Variants in TRIM2 observed in about 807,000 individuals in gnomAD.
The protein encoded by TRIM2 is tripartite motif containing 2.
TRIM2 carries 20 observed loss-of-function variants against 75.2 expected under a neutral mutation model. The ratio of observed to expected loss-of-function variants is 0.27; its 90% CI spans 0.19 to 0.39. The LOEUF is 0.39. Among genes scored for constraint, TRIM2 ranks in the 10% least tolerant of loss-of-function variants. The pLI, the probability that TRIM2 is intolerant of heterozygous loss-of-function variation, is 1.00. For synonymous variants in TRIM2, 373 were observed against 388.3 expected, an observed-to-expected ratio of 0.96 and a Z score of 0.46; for missense variants, 660 against 990.8, an observed-to-expected ratio of 0.67 and a Z score of 4.48.
At chr4:153,213,850 C>T (rs1034553258) in intron 1 of TRIM2, among the ~76,000 whole-genome samples, 5 of 152,236 alleles carry the variant, frequency 3.3e-5, no homozygotes, top group South Asian at 2.1e-4. Context: ...TACTATTTAA[C>T]GAATTTAATC....
chr4:153,336,807 AG>A lies in TRIM2; in HGVS notation c.*1843del, dbSNP rs1772504632. The A allele has an allele frequency of 2.0e-6, 2 of 985,642 alleles. No individual in the cohort carries two copies. The highest frequency in any genetic ancestry group is 1.2e-4 in the Admixed American group (2 of 16,288). The allele number at this position is 985,642 out of a possible 1,614,324, so 61.1% of individuals were successfully genotyped here. Reference sequence around the variant, plus strand: ...TCAACCTCTGAAAAAAGGTTTTTCCAGGAAGATTTACATTTAGGTTTAATAT... The same window carrying A: ...TCAACCTCTGAAAAAAGGTTTTTCCAGAAGATTTACATTTAGGTTTAATAT... On this transcript the variant is annotated 3_prime_UTR_variant, in exon 12 of 12. Transcript: ENST00000338700.
At chr4:153,323,013 G>A (rs541174399) in intron 9 of TRIM2, among the ~76,000 whole-genome samples, 197 bp downstream of exon 9, 1 of 152,272 alleles carries the variant, frequency 6.6e-6, no homozygotes, top group East Asian at 1.9e-4. Flanking sequence ...GCAGTAAGTT[G>A]AGCTGCAGTC....
At chr4:153,257,310 A>T (rs1752306371) in intron 1 of TRIM2, 2 of 706,240 alleles carry the variant, frequency 2.8e-6, no homozygotes, top group East Asian at 9.9e-5. Flanking sequence ...AAAGCAAGCC[A>T]CCCACGAATC....
chr4:153,281,196 A>G (rs565306766), intron 3 of TRIM2, among the ~76,000 whole-genome samples: 2 of 152,362 alleles, frequency 1.3e-5, no homozygotes, highest in South Asian at 4.1e-4. Flanking sequence ...GAGAGTATGT[A>G]TGGTGAGACA....
intron 8 of TRIM2, among the ~76,000 whole-genome samples, chr4:153,316,672 G>A (rs1263486985): frequency 6.6e-6 from 1 of 152,014 alleles, no homozygotes; most frequent in African/African-American, 2.4e-5. Context: ...CATTCCCAGC[G>A]TCAGCTTTTT....
chr4:153,264,847 C>G (rs544150904), intron 1 of TRIM2, among the ~76,000 whole-genome samples: 1 of 152,236 alleles, frequency 6.6e-6, no homozygotes, highest in Non-Finnish European at 1.5e-5. Flanking sequence ...GGATTGGAAA[C>G]CTTTTGTGTC....
intron 1 of TRIM2, among the ~76,000 whole-genome samples, chr4:153,256,426 CATT>C (rs890327033): frequency 6.6e-6 from 1 of 152,144 alleles, no homozygotes; most frequent in Non-Finnish European, 1.5e-5. Flanking sequence ...TTAAAATAAA[CATT>C]ATTAGCAATC....
At chr4:153,213,493 T>C (rs971986570) in intron 1 of TRIM2, among the ~76,000 whole-genome samples, 4 of 152,208 alleles carry the variant, frequency 2.6e-5, no homozygotes, top group African/African-American at 9.6e-5. Context: ...TCTTAATTAA[T>C]TTAATCTTTG....
At chr4:153,280,165 GA>G (rs1397778415) in intron 3 of TRIM2, among the ~76,000 whole-genome samples, 1 of 118,962 alleles carries the variant, frequency 8.4e-6, no homozygotes, top group African/African-American at 3.2e-5. Flanking sequence ...AGAAAGAAAA[GA>G]ACAGAAATAT....
chr4:153,204,634 T>C (rs774510873), intron 1 of TRIM2, 74 bp downstream of exon 1: 115 of 1,532,950 alleles, frequency 7.5e-5, no homozygotes, highest in Non-Finnish European at 9.4e-5. Flanking sequence ...GAGAAACAAG[T>C]TGTGATTGGG....
chr4:153,209,343 A>G (rs1041103060), intron 1 of TRIM2, among the ~76,000 whole-genome samples: 4 of 152,174 alleles, frequency 2.6e-5, no homozygotes, highest in African/African-American at 4.8e-5. Context: ...CCACCCCCAT[A>G]AAAGATGGAA....
intron 1 of TRIM2, among the ~76,000 whole-genome samples, chr4:153,267,234 C>T (rs1019540445): frequency 2.0e-5 from 3 of 152,084 alleles, no homozygotes; most frequent in African/African-American, 7.2e-5. Context: ...CTTTTTAAAA[C>T]ACAAGGTCAA....
In TRIM2 at chr4:153,327,601, C is replaced by T. The variant is rs573963756; in HGVS notation, c.2023-929C>T. 7.9e-5 allele frequency among the ~76,000 whole-genome samples: 12 copies of T among 152,294 alleles called. No homozygotes were observed. The South Asian group carries it at 2.3e-3, about 29-fold the overall frequency. On this transcript the variant is annotated intron_variant, in intron 10 of 11. Transcript: ENST00000338700. ...GAGACATTTCAAAACCATTAGGTAT[C>T]ATCTGAATCATCAAGATACAATTAT... is the stretch of plus-strand genomic sequence containing the variant.
chr4:153,168,249 A>G (rs1730507998), intron 1 of TRIM2, among the ~76,000 whole-genome samples: 1 of 152,240 alleles, frequency 6.6e-6, no homozygotes. Context: ...ATAGAACTAA[A>G]TATTTCTATA....
rs1757939350 is a variant in TRIM2, at chr4:153,275,994, A to T, written c.317A>T (p.Asn106Ile). 1 of 1,614,198 alleles carries T rather than the reference A, an allele frequency of 6.2e-7. No homozygotes were observed. The highest frequency in any genetic ancestry group is 1.7e-5 in the Admixed American group (1 of 60,022). Residue 106 changes from asparagine (N) to isoleucine (I), a missense_variant, in exon 3 of 12, where the codon AAC (asparagine) becomes ATC (isoleucine). Physicochemically the swap from Asn to Ile is moderately radical, Grantham distance 149. Transcript: ENST00000338700. Reference sequence around the variant, plus strand: ...GAGAAAGGGGTGGCCGCGCTCCAGAACAATTTCTTCATCACAAACCTGATG... The same window carrying T: ...GAGAAAGGGGTGGCCGCGCTCCAGATCAATTTCTTCATCACAAACCTGATG... ...LPEKGVAALQ[N>I]NFFITNLMDV...
At chr4:153,249,789 T>C (rs1361155666) in intron 1 of TRIM2, among the ~76,000 whole-genome samples, 5 of 152,226 alleles carry the variant, frequency 3.3e-5, no homozygotes, top group Non-Finnish European at 5.9e-5. Context: ...ATTTAATTGT[T>C]AAAATGAGAA....
At chr4:153,281,945 G>C (rs1368838122) in intron 3 of TRIM2, among the ~76,000 whole-genome samples, 3 of 152,224 alleles carry the variant, frequency 2.0e-5, no homozygotes, top group Non-Finnish European at 4.4e-5. Flanking sequence ...AGACTGCCCT[G>C]CCACTAACAA....
At chr4:153,315,672 A>T (rs1161790137) in intron 7 of TRIM2, 84 bp downstream of exon 7, 6 of 1,440,834 alleles carry the variant, frequency 4.2e-6, no homozygotes, top group Non-Finnish European at 5.7e-6. Context: ...TAGACTTCAG[A>T]TACATGGTGT....
chr4:153,308,093 G>A, intron 6 of TRIM2: 1 of 856,648 alleles, frequency 1.2e-6, no homozygotes, highest in South Asian at 1.3e-5. Flanking sequence ...CTTTCTGGAA[G>A]TGGGACATGC....
Sources: gnomAD v4.1 joint callset for allele counts (sites outside exome capture counted in the v4.1 genomes callset) on GRCh38, gnomAD v4.1.1 for gene constraint, MANE v1.5 for transcripts, NCBI Gene and HGNC (gene_info 2026-07-23, HGNC 2026-07-21) for gene names.